MARCHF1: variants seen among roughly 807,000 people sequenced by gnomAD.
MARCHF1 encodes the protein E3 ubiquitin-protein ligase MARCHF1.
Under a neutral mutation model 54.2 loss-of-function variants are expected in MARCHF1, and 40 were observed. The ratio of observed to expected loss-of-function variants is 0.74; its 90% CI spans 0.57 to 0.96. MARCHF1 has a LOEUF of 0.96. Among genes scored for constraint, MARCHF1 ranks in the 40% least tolerant of loss-of-function variants. The pLI is 0.00. For synonymous variants in MARCHF1, 236 were observed against 236.3 expected (o/e 1.00, Z 0.01); for missense variants, 586 against 656.5 (o/e 0.89, Z 1.17).
At chr4:164,044,122 G>A (rs1265990420) in intron 2 of MARCHF1, among the ~76,000 whole-genome samples, 1 of 152,148 alleles carries the variant, frequency 6.6e-6, no homozygotes, top group African/African-American at 2.4e-5. Flanking sequence ...CCTCCAAGCT[G>A]TTTCAAACTC....
At chr4:163,744,041 A>T (rs373474991) in intron 4 of MARCHF1, among the ~76,000 whole-genome samples, 1 of 152,204 alleles carries the variant, frequency 6.6e-6, no homozygotes. Context: ...ATAAAATATT[A>T]ATCTAAATTT....
At position 163,612,499 on chromosome 4, in the gene MARCHF1, T is replaced by A; in HGVS notation, c.782A>T (p.His261Leu). The change falls in exon 7 of 10, where the codon CAT (histidine) becomes CTT (leucine). Residue 261 changes from histidine (H) to leucine (L), a missense_variant. Coordinates refer to ENST00000514618, the MANE Select transcript of MARCHF1 (RefSeq NM_001394959.1). The part of the protein sequence containing the change: ...SSEIKRSSRN[H>L]EKSKGRYHHR... The stretch of plus-strand genomic sequence containing the variant: ...GTGATATCTGCCTTTGCTCTTCTCA[T>A]GATTCCTTGAGGATCTCTTAATTTC... The A allele has an allele frequency of 1.3e-6, 2 of 1,535,266 alleles. No individual in the cohort carries two copies. Among genetic ancestry groups the A allele is most frequent in the South Asian group, 1.2e-5 (1 of 83,982 alleles).
At chr4:163,924,266 T>G (rs1751492761) in intron 3 of MARCHF1, among the ~76,000 whole-genome samples, 1 of 151,686 alleles carries the variant, frequency 6.6e-6, no homozygotes, top group Non-Finnish European at 1.5e-5. Flanking sequence ...ATCAAAGGAG[T>G]CAATACATTT....
intron 4 of MARCHF1, among the ~76,000 whole-genome samples, chr4:163,711,338 G>T (rs1413547390): frequency 6.6e-6 from 1 of 152,118 alleles, no homozygotes; most frequent in Non-Finnish European, 1.5e-5. Flanking sequence ...CCCAGTTTCA[G>T]TTATAATTAA....
intron 3 of MARCHF1, among the ~76,000 whole-genome samples, chr4:163,888,616 T>C (rs1212671181): frequency 1.3e-5 from 2 of 152,166 alleles, no homozygotes; most frequent in Non-Finnish European, 2.9e-5. Flanking sequence ...AACTGATAAA[T>C]TGCAGTGAGG....
chr4:163,943,018 A>G (rs548261382), intron 3 of MARCHF1, among the ~76,000 whole-genome samples: 205 of 151,404 alleles, frequency 1.4e-3, no homozygotes, highest in Non-Finnish European at 2.4e-3. Context: ...GTGTCTATTC[A>G]TATCTTTGCC....
intron 3 of MARCHF1, among the ~76,000 whole-genome samples, chr4:163,971,414 C>T (rs1472483460): frequency 6.6e-6 from 1 of 152,136 alleles, no homozygotes; most frequent in Non-Finnish European, 1.5e-5. Flanking sequence ...CCATAGAAAA[C>T]TAAGGAAACA....
chr4:164,263,351 C>T (rs1412615419), intron 1 of MARCHF1, among the ~76,000 whole-genome samples: 1 of 152,060 alleles, frequency 6.6e-6, no homozygotes, highest in Non-Finnish European at 1.5e-5. Flanking sequence ...TATATACACA[C>T]ATATACATAT....
chr4:163,984,112 G>A (rs988114862), intron 3 of MARCHF1, among the ~76,000 whole-genome samples: 3 of 151,894 alleles, frequency 2.0e-5, no homozygotes, highest in Admixed American at 1.3e-4. Context: ...TACCAAAAGA[G>A]ATTCCCCAGT....
chr4:164,341,387 C>T (rs1729924847), intron 1 of MARCHF1, among the ~76,000 whole-genome samples: 1 of 151,632 alleles, frequency 6.6e-6, no homozygotes, highest in Non-Finnish European at 1.5e-5. Context: ...CAACATGGCA[C>T]TAGAAGTCCT....
At chr4:163,945,145 A>T (rs1413201172) in intron 3 of MARCHF1, among the ~76,000 whole-genome samples, 1 of 152,190 alleles carries the variant, frequency 6.6e-6, no homozygotes, top group East Asian at 1.9e-4. Flanking sequence ...GATTTCAAGA[A>T]AATAATGTCA....
intron 1 of MARCHF1, among the ~76,000 whole-genome samples, chr4:164,349,298 C>T (rs1730208597): frequency 7.2e-6 from 1 of 139,274 alleles, no homozygotes; most frequent in South Asian, 2.2e-4. Flanking sequence ...TGCTCTATCT[C>T]CTGGGTAGAA....
intron 5 of MARCHF1, among the ~76,000 whole-genome samples, chr4:163,621,103 C>A (rs1741681144): frequency 6.6e-6 from 1 of 152,112 alleles, no homozygotes; most frequent in African/African-American, 2.4e-5. Flanking sequence ...AACATGAAAT[C>A]ATTGATCTGA....
intron 1 of MARCHF1, among the ~76,000 whole-genome samples, chr4:164,326,181 C>T (rs1156963486): frequency 1.3e-5 from 2 of 152,150 alleles, no homozygotes; most frequent in African/African-American, 4.8e-5. Context: ...AGAATTGCAG[C>T]TCTCCACTGA....
At chr4:163,968,190 T>C (rs1752480404) in intron 3 of MARCHF1, among the ~76,000 whole-genome samples, 1 of 152,122 alleles carries the variant, frequency 6.6e-6, no homozygotes, top group East Asian at 1.9e-4. Context: ...CGTGAGAACC[T>C]TGGTTTGCAG....
chr4:164,045,727 A>AT (rs1195838635), intron 2 of MARCHF1, among the ~76,000 whole-genome samples: 1 of 148,932 alleles, frequency 6.7e-6, no homozygotes, highest in Non-Finnish European at 1.5e-5. Context: ...AAAAAAAAAA[A>AT]CTAGTCATGT....
At chr4:164,056,459 T>C (rs918987036) in intron 2 of MARCHF1, among the ~76,000 whole-genome samples, 54 of 152,316 alleles carry the variant, frequency 3.5e-4, no homozygotes, top group East Asian at 5.8e-4. Flanking sequence ...TGGGTTCCTT[T>C]ACTTCCTGCG....
intron 3 of MARCHF1, among the ~76,000 whole-genome samples, chr4:163,867,834 T>C (rs974603852): frequency 7.9e-6 from 1 of 126,114 alleles, no homozygotes. Flanking sequence ...TTTTTTTTCC[T>C]GAGAAGCTTA....
chr4:164,369,108 G>T (rs1447587405), intron 1 of MARCHF1, among the ~76,000 whole-genome samples: 1 of 152,066 alleles, frequency 6.6e-6, no homozygotes, highest in East Asian at 1.9e-4. Flanking sequence ...GGCTGCTCCG[G>T]GGATGAGGGT....
Sources: allele counts gnomAD v4.1 joint callset (sites outside exome capture counted in the v4.1 genomes callset), GRCh38; gene constraint gnomAD v4.1.1; transcripts MANE v1.5; gene names NCBI Gene and HGNC (gene_info 2026-07-23, HGNC 2026-07-21).